The following RMND5B variants were observed in gnomAD, a reference collection of about 807,000 sequenced individuals.
RMND5B encodes E3 ubiquitin-protein transferase RMND5B.
RMND5B carries 42 observed loss-of-function variants against 50.4 expected under a neutral mutation model. That is an observed-to-expected ratio of 0.83 (90% CI 0.65 to 1.08). RMND5B has a LOEUF of 1.08. RMND5B is among the 50% of genes least tolerant of loss of function. The pLI is 0.00. For synonymous variants in RMND5B, 220 were observed against 210.0 expected (o/e 1.05, Z -0.41); for missense variants, 463 against 508.5 (o/e 0.91, Z 0.86).
Position 178,138,520 on chromosome 5 carries a change from TG to T in RMND5B, c.139+263del, listed in dbSNP as rs1758746601. 6 of 268,644 alleles carry T rather than the reference TG, an allele frequency of 2.2e-5. No individual in the cohort carries two copies. The highest frequency in any genetic ancestry group is 2.1e-4 in the South Asian group (5 of 23,400). 16.6% of individuals were successfully genotyped at this position (268,644 alleles called of 1,614,324 possible). On this transcript the variant is annotated intron_variant, in intron 3 of 10. Transcript: ENST00000313386. The surrounding 1 kb of genome is among the most constrained non-coding windows in gnomAD (Gnocchi z 5.1). Reference sequence around the variant, plus strand: ...TTTTAACTTTTTTTCATTTTATAATTGTGTGTGTGTGTGTGTGTGTGTGTGT... The same window carrying T: ...TTTTAACTTTTTTTCATTTTATAATTTGTGTGTGTGTGTGTGTGTGTGTGT...
At chr5:178,144,296 T>C (rs572244556) in intron 7 of RMND5B, among the ~76,000 whole-genome samples, 188 bp downstream of exon 7, 48 of 152,350 alleles carry the variant, frequency 3.2e-4, no homozygotes, top group Non-Finnish European at 5.9e-4. Context: ...CTCTCACATC[T>C]GCCATACCTT....
At chr5:178,144,299 C>T (rs1755859015) in intron 7 of RMND5B, among the ~76,000 whole-genome samples, 191 bp downstream of exon 7, 1 of 152,216 alleles carries the variant, frequency 6.6e-6, no homozygotes. Flanking sequence ...TCACATCTGC[C>T]ATACCTTTAG....
rs1756136397 is a variant in RMND5B, at chr5:178,148,103, T to C, written c.*71T>C. ...GCCTTGGTCTGTCTCGGTAGGGTGG[T>C]CAACTTCAGTGGACTGTGGTTGGTT... On this transcript the variant is annotated 3_prime_UTR_variant, in exon 11 of 11. Coordinates refer to ENST00000313386, the MANE Select transcript of RMND5B (RefSeq NM_022762.5). 1 of 1,467,514 alleles carries C rather than the reference T, an allele frequency of 6.8e-7. No individual in the cohort carries two copies. The highest frequency in any genetic ancestry group is 9.5e-7 in the Non-Finnish European group (1 of 1,047,292). The allele number at this position is 1,467,514 out of a possible 1,614,324, so 90.9% of individuals were successfully genotyped here.
At chr5:178,131,761 A>T (rs541991641) in intron 2 of RMND5B, among the ~76,000 whole-genome samples, 8 of 152,256 alleles carry the variant, frequency 5.3e-5, no homozygotes, top group African/African-American at 1.9e-4. Context: ...CAGCGGGAAC[A>T]GCCAGTGTGA....
rs1019685440 is a variant in RMND5B, at chr5:178,149,897, G to T, written c.*1865G>T. ...AGCTGTACAACCTGTATGCCAGGAAGTCACCAACTGATGACCCACCAGCCT... is the reference window on the plus strand; with the variant it reads ...AGCTGTACAACCTGTATGCCAGGAATTCACCAACTGATGACCCACCAGCCT... On this transcript the variant is annotated 3_prime_UTR_variant, in exon 11 of 11. Coordinates refer to ENST00000313386, the MANE Select transcript of RMND5B (RefSeq NM_022762.5). The T allele has an allele frequency of 6.9e-6, 11 of 1,589,742 alleles. No individual in the cohort carries two copies. In the Admixed American group the frequency reaches 1.2e-4, roughly 17 times the overall value.
rs10657977 is a variant in RMND5B, at chr5:178,138,519, T to TTG, written c.139+289_139+290dup. ...TTTTTAACTTTTTTTCATTTTATAA[T>TTG]TGTGTGTGTGTGTGTGTGTGTGTGT... is the stretch of plus-strand genomic sequence containing the variant. On this transcript the variant is annotated intron_variant, in intron 3 of 10. Transcript: ENST00000313386. This position sits in a 1 kb window ranked among gnomAD's most constrained non-coding sequence, Gnocchi z 5.1. 0.019 allele frequency: 5,559 copies of TTG among 299,674 alleles called. 46 individuals carry two copies. Among genetic ancestry groups the TTG allele is most frequent in the African/African-American group, 0.047 (2,033 of 42,964 alleles). The allele number at this position is 299,674 out of a possible 1,614,324, so 18.6% of individuals were successfully genotyped here. A position where few individuals can be genotyped will look rare whatever the true frequency, so the allele number is the denominator to read the frequency against.
Position 178,144,097 on chromosome 5 carries a change from T to G in RMND5B, c.683T>G (p.Leu228Arg). 1 of 1,613,592 alleles carries G rather than the reference T, an allele frequency of 6.2e-7. No homozygotes were observed. The highest frequency in any genetic ancestry group is 8.5e-7 in the Non-Finnish European group (1 of 1,179,728). Residue 228 changes from leucine to arginine, a missense_variant, in exon 7 of 11, where the codon CTG becomes CGG. Leu to Arg is a moderately radical substitution (Grantham distance 102, BLOSUM62 -2). Transcript: ENST00000313386. ...YARHFQPFARLHQREIQVMMG... is the reference protein window; with the variant it reads ...YARHFQPFARRHQREIQVMMG... ...CGGCACTTCCAGCCCTTTGCTCGGC[T>G]GCACCAGCGGGGTGAGTGCCCAGGC...
intron 2 of RMND5B, among the ~76,000 whole-genome samples, chr5:178,132,747 T>TTTTA (rs1472803823): frequency 1.4e-5 from 2 of 148,036 alleles, no homozygotes; most frequent in Admixed American, 6.7e-5. Context: ...CTTTTTTTTT[T>TTTTA]TTTTTTTAAG....
chr5:178,137,700 A>C lies in RMND5B; in HGVS notation c.-12-408A>C, dbSNP rs577252789. ...ACAAGAGCCTGTCTCAAAAAAAGAAAATACATACGTGTAATATGACATTAT... is the reference window on the plus strand; with the variant it reads ...ACAAGAGCCTGTCTCAAAAAAAGAACATACATACGTGTAATATGACATTAT... On this transcript the variant is annotated intron_variant, in intron 2 of 10. Transcript: ENST00000313386. This position sits in a 1 kb window ranked among gnomAD's most constrained non-coding sequence, Gnocchi z 4.4. Among the ~76,000 whole-genome samples, 3 of 152,346 alleles carry C rather than the reference A, an allele frequency of 2.0e-5. No individual in the cohort carries two copies. In the East Asian group the frequency reaches 5.8e-4, roughly 29 times the overall value.
chr5:178,138,087 G>A lies in RMND5B; in HGVS notation c.-12-21G>A, dbSNP rs1178632643. ...TGCCACCGTGGCCCAGATGGGGCCT[G>A]ACCCAGCTGACCCTCCCCAGGCTGA... is the stretch of plus-strand genomic sequence containing the variant. On this transcript the variant is annotated intron_variant, in intron 2 of 10. Coordinates refer to ENST00000313386, the MANE Select transcript of RMND5B (RefSeq NM_022762.5). The surrounding 1 kb of genome is among the most constrained non-coding windows in gnomAD (Gnocchi z 5.1). The A allele has an allele frequency of 1.3e-6, 2 of 1,559,780 alleles. No individual in the cohort carries two copies. Among genetic ancestry groups the A allele is most frequent in the Non-Finnish European group, 1.7e-6 (2 of 1,152,520 alleles).
At chr5:178,132,144 C>G (rs1581104996) in intron 2 of RMND5B, among the ~76,000 whole-genome samples, 1 of 151,836 alleles carries the variant, frequency 6.6e-6, no homozygotes, top group East Asian at 1.9e-4. Flanking sequence ...GAAACCCTGT[C>G]GCTCCAAAAA....
At position 178,149,860 on chromosome 5, in the gene RMND5B, T is replaced by C. The variant is rs748734070; in HGVS notation, c.*1828T>C. ...GGTCCTACAGAGGGGAAAGAAGTGC[T>C]GTTTGGAAAAAAGCTGTACAACCTG... On this transcript the variant is annotated 3_prime_UTR_variant, in exon 11 of 11. Transcript: ENST00000313386. 4.7e-5 allele frequency: 76 copies of C among 1,611,680 alleles called. No individual in the cohort carries two copies. Among genetic ancestry groups the C allele is most frequent in the Non-Finnish European group, 5.9e-5 (69 of 1,178,978 alleles).
intron 2 of RMND5B, among the ~76,000 whole-genome samples, chr5:178,132,256 C>T (rs1758355252): frequency 6.6e-6 from 1 of 151,956 alleles, no homozygotes; most frequent in Non-Finnish European, 1.5e-5. Flanking sequence ...GCCTGGCCAA[C>T]ATGGTGAAAC....
intron 2 of RMND5B, among the ~76,000 whole-genome samples, 172 bp downstream of exon 2, chr5:178,131,548 A>G (rs1365079873): frequency 6.7e-6 from 1 of 149,248 alleles, no homozygotes; most frequent in Non-Finnish European, 1.5e-5. Flanking sequence ...AAGAAAGATT[A>G]GAAACTTCAA....
Position 178,149,682 on chromosome 5 carries a change from GC to G in RMND5B, c.*1651del, listed in dbSNP as rs780412873. The G allele has an allele frequency of 1.9e-6, 3 of 1,611,562 alleles. No homozygotes were observed. In the South Asian group the frequency reaches 3.3e-5, roughly 18 times the overall value. ...CCTGCTGCCAGCCCAATAGCTTCCA[GC>G]GGCAGGTGCCCAGGTGCTACCGGAG... is the stretch of plus-strand genomic sequence containing the variant. On this transcript the variant is annotated 3_prime_UTR_variant, in exon 11 of 11. Transcript: ENST00000313386.
At chr5:178,135,973 T>C (rs1167591533) in intron 2 of RMND5B, 3 of 152,244 alleles carry the variant, frequency 2.0e-5, no homozygotes, top group Non-Finnish European at 2.9e-5. Context: ...TCATTAATGG[T>C]TGCTGTACAC....
Position 178,142,681 on chromosome 5 carries a change from A to G in RMND5B, c.238A>G (p.Lys80Glu), listed in dbSNP as rs1174288672. 6.2e-7 allele frequency: 1 copy of G among 1,614,260 alleles called. No homozygotes were observed. Among genetic ancestry groups the G allele is most frequent in the East Asian group, 2.2e-5 (1 of 44,890 alleles). ...GGTGCAGAAACTGGCTTCGGACCAT[A>G]AGGACATTCACAGCAGTGTATCCCG... ...DTVQKLASDH[K>E]DIHSSVSRVG... The change falls in exon 4 of 11, where the codon AAG becomes GAG. Residue 80 changes from lysine to glutamate, a missense_variant. Lys to Glu is a moderately conservative substitution (Grantham distance 56). Transcript: ENST00000313386.
In RMND5B at chr5:178,150,071, C is replaced by T. The variant is rs1432608584; in HGVS notation, c.*2039C>T. The T allele has an allele frequency of 9.1e-6, 4 of 440,888 alleles. No individual in the cohort carries two copies. The highest frequency in any genetic ancestry group is 1.7e-5 in the Non-Finnish European group (4 of 241,800). The allele number at this position is 440,888 out of a possible 1,614,324, so 27.3% of individuals were successfully genotyped here. A position where few individuals can be genotyped will look rare whatever the true frequency, so the allele number is the denominator to read the frequency against. ...CCCACATGGCAACTATGAAAGGGCT[C>T]CAGCCCAGCAGGGGCTGTCCCGGTC... On this transcript the variant is annotated 3_prime_UTR_variant, in exon 11 of 11. Transcript: ENST00000313386.
intron 2 of RMND5B, chr5:178,136,000 A>G (rs971502487): frequency 6.6e-6 from 1 of 152,014 alleles, no homozygotes; most frequent in Non-Finnish European, 1.5e-5. Flanking sequence ...CAACACAGAT[A>G]TTTGCTCTTT....
Sources: gnomAD v4.1 joint callset for allele counts (sites outside exome capture counted in the v4.1 genomes callset) on GRCh38, gnomAD v4.1.1 for gene constraint, Gnocchi (gnomAD v3.1) non-coding constraint, MANE v1.5 for transcripts, NCBI Gene and HGNC (gene_info 2026-07-23, HGNC 2026-07-21) for gene names.